The following SMAP1 variants were observed in gnomAD, a reference collection of about 807,000 sequenced individuals.
SMAP1 encodes the protein small ArfGAP 1.
A neutral mutation model predicts 58.5 loss-of-function variants in SMAP1; 24 were observed. The ratio of observed to expected loss-of-function variants is 0.41; its 90% CI spans 0.30 to 0.58. The LOEUF (loss-of-function observed/expected upper bound fraction) is 0.58, where lower values mean the gene tolerates loss of function less well. Ranked by LOEUF, SMAP1 falls within the 20% of genes least tolerant of loss-of-function variation. The pLI is 0.29. For synonymous variants in SMAP1, 216 were observed against 196.6 expected, an observed-to-expected ratio of 1.10 and a Z score of -0.82; for missense variants, 563 against 566.3, an observed-to-expected ratio of 0.99 and a Z score of 0.06.
chr6:70,761,388 C>T (rs538534779), intron 3 of SMAP1, among the ~76,000 whole-genome samples: 41 of 152,000 alleles, frequency 2.7e-4, no homozygotes, highest in African/African-American at 9.2e-4. Flanking sequence ...TTATCTGACT[C>T]CCTGAAAATA....
intron 6 of SMAP1, among the ~76,000 whole-genome samples, chr6:70,829,264 CTTTTTGTTTT>C (rs1770264043): frequency 6.7e-6 from 1 of 150,264 alleles, no homozygotes; most frequent in Non-Finnish European, 1.5e-5. Flanking sequence ...TCTTTGTCTT[CTTTTTGTTTT>C]TGTTTTTGTT....
At chr6:70,699,241 C>T (rs1767530223) in intron 1 of SMAP1, among the ~76,000 whole-genome samples, 1 of 152,194 alleles carries the variant, frequency 6.6e-6, no homozygotes, top group African/African-American at 2.4e-5. Context: ...CCCTTACTTT[C>T]CTGCAAACAA....
chr6:70,758,226 T>C (rs1325207589), intron 3 of SMAP1, among the ~76,000 whole-genome samples: 1 of 151,778 alleles, frequency 6.6e-6, no homozygotes, highest in Non-Finnish European at 1.5e-5. Flanking sequence ...TGTAGGGACA[T>C]GGATGAAATT....
chr6:70,712,038 C>T (rs1768077090), intron 1 of SMAP1, among the ~76,000 whole-genome samples: 1 of 152,102 alleles, frequency 6.6e-6, no homozygotes, highest in Non-Finnish European at 1.5e-5. Context: ...CAGTTTCTCC[C>T]CCACAGATTA....
intron 6 of SMAP1, among the ~76,000 whole-genome samples, chr6:70,821,296 TA>T (rs2149981798): frequency 6.6e-6 from 1 of 152,336 alleles, no homozygotes; most frequent in East Asian, 1.9e-4. Context: ...TCTCATTTCT[TA>T]TTGCTGAACA....
At chr6:70,752,519 G>C (rs1486835940) in intron 2 of SMAP1, among the ~76,000 whole-genome samples, 2 of 152,148 alleles carry the variant, frequency 1.3e-5, no homozygotes, top group African/African-American at 4.8e-5. Flanking sequence ...TGAGGCTAAT[G>C]CTTGTGTCAC....
At chr6:70,732,573 C>T in intron 2 of SMAP1, 62 bp downstream of exon 2, 1 of 1,344,362 alleles carries the variant, frequency 7.4e-7, no homozygotes, top group Non-Finnish European at 9.7e-7. Context: ...AATATTTAAC[C>T]CTTCTTGCAT....
At chr6:70,684,861 A>T (rs1021293765) in intron 1 of SMAP1, among the ~76,000 whole-genome samples, 4 of 152,208 alleles carry the variant, frequency 2.6e-5, no homozygotes, top group Non-Finnish European at 5.9e-5. Flanking sequence ...AGGATAGGGA[A>T]AACATGGGCT....
chr6:70,757,935 G>C (rs1375330108), intron 3 of SMAP1, among the ~76,000 whole-genome samples: 2 of 151,972 alleles, frequency 1.3e-5, no homozygotes, highest in African/African-American at 4.8e-5. Flanking sequence ...ATGTAAACTA[G>C]TTCAACCATT....
intron 7 of SMAP1, among the ~76,000 whole-genome samples, chr6:70,842,701 C>T (rs1562198158): frequency 6.6e-6 from 1 of 152,210 alleles, no homozygotes; most frequent in East Asian, 1.9e-4. Context: ...TCGGGAGACA[C>T]GGTGGTTTGG....
chr6:70,824,376 G>A (rs780284223), intron 6 of SMAP1, among the ~76,000 whole-genome samples: 5 of 151,924 alleles, frequency 3.3e-5, no homozygotes, highest in African/African-American at 4.8e-5. Context: ...CATAATTTGT[G>A]GGCCCAGTGC....
rs988950477 is a variant in SMAP1 at position 70,752,674 on chromosome 6, T to A, written c.253-2306T>A. ...AAAACATCAGCTCCTGTTGTTTTTT[T>A]CCCCTGCCCTCTCATTTCCAAATTG... On this transcript the variant is annotated intron_variant, in intron 2 of 10. Coordinates refer to ENST00000370455, the MANE Select transcript of SMAP1 (RefSeq NM_001044305.3). Among the ~76,000 whole-genome samples, 144 of 152,108 alleles carry A rather than the reference T, an allele frequency of 9.5e-4. 8 individuals are homozygous for A. Among genetic ancestry groups the A allele is most frequent in the Non-Finnish European group, 2.9e-5 (2 of 68,018 alleles).
intron 4 of SMAP1, among the ~76,000 whole-genome samples, chr6:70,788,350 A>G (rs1376643521): frequency 1.3e-5 from 2 of 151,002 alleles, no homozygotes; most frequent in African/African-American, 2.4e-5. Flanking sequence ...ACCTAATGCT[A>G]AATGACGAGT....
intron 7 of SMAP1, among the ~76,000 whole-genome samples, chr6:70,847,695 T>G (rs897454144): frequency 2.6e-5 from 4 of 152,116 alleles, no homozygotes; most frequent in African/African-American, 9.7e-5. Context: ...ACTCTGGATC[T>G]CCCATTATTT....
intron 7 of SMAP1, among the ~76,000 whole-genome samples, chr6:70,841,552 C>T (rs1038389368): frequency 1.9e-4 from 29 of 152,212 alleles, no homozygotes; most frequent in African/African-American, 6.5e-4. Context: ...CCATTCTATT[C>T]GTTACTTTAA....
At chr6:70,757,516 A>G (rs1766547049) in intron 3 of SMAP1, among the ~76,000 whole-genome samples, 1 of 152,094 alleles carries the variant, frequency 6.6e-6, no homozygotes, top group Non-Finnish European at 1.5e-5. Context: ...AAAATTGACA[A>G]ATGGGATCTA....
intron 1 of SMAP1, among the ~76,000 whole-genome samples, chr6:70,706,129 T>C (rs1032739473): frequency 2.0e-5 from 3 of 152,188 alleles, no homozygotes; most frequent in South Asian, 2.1e-4. Context: ...TACCAAACTT[T>C]ATCATTCTGT....
intron 1 of SMAP1, among the ~76,000 whole-genome samples, chr6:70,730,640 A>G (rs372762118): frequency 6.6e-6 from 1 of 152,230 alleles, no homozygotes; most frequent in African/African-American, 2.4e-5. Flanking sequence ...TTGCATGTGC[A>G]TAATCTTCCT....
rs759372604 is a variant in SMAP1, at chr6:70,861,705, G to A, written c.*1371G>A. On this transcript the variant is annotated 3_prime_UTR_variant, in exon 11 of 11. Transcript: ENST00000370455. Reference sequence around the variant, plus strand: ...CTGTGTCCAGGTGGTACTTTGGCTCGTTGGCTAGATTAACCTTCTCTGTCC... The same window carrying A: ...CTGTGTCCAGGTGGTACTTTGGCTCATTGGCTAGATTAACCTTCTCTGTCC... 1.9e-5 allele frequency: 30 copies of A among 1,613,992 alleles called. No homozygotes were observed. Among genetic ancestry groups the A allele is most frequent in the Admixed American group, 3.3e-5 (2 of 60,002 alleles).
Sources: allele counts gnomAD v4.1 joint callset (sites outside exome capture counted in the v4.1 genomes callset), GRCh38; gene constraint gnomAD v4.1.1; transcripts MANE v1.5; gene names NCBI Gene and HGNC (gene_info 2026-07-23, HGNC 2026-07-21).